Variants in DNAAF9 observed in about 807,000 individuals in gnomAD.
DNAAF9 encodes dynein axonemal assembly factor 9.
DNAAF9 carries 90 observed loss-of-function variants against 167.0 expected under a neutral mutation model. The observed-to-expected ratio is 0.54, with a 90% CI of 0.45 to 0.64. The LOEUF (loss-of-function observed/expected upper bound fraction) is 0.64. Among genes scored for constraint, DNAAF9 ranks in the 30% least tolerant of loss-of-function variants. The probability of loss-of-function intolerance (pLI) is 0.00; values close to 1 mark genes in which losing one functional copy is unlikely to be tolerated. For missense variants in DNAAF9, 1,315 were observed against 1,442.2 expected (o/e 0.91, Z 1.43); for synonymous variants, 491 against 508.8 (o/e 0.96, Z 0.47).
chr20:3,330,722 G>A (rs781082936), intron 11 of DNAAF9, 40 bp from the exon 12 acceptor site: 5 of 1,348,544 alleles, frequency 3.7e-6, no homozygotes, highest in South Asian at 1.2e-5. Context: ...AAGAGCACAG[G>A]ATATGCAAAC....
chr20:3,252,470 C>T lies in DNAAF9; in HGVS notation c.*102G>A. Reference sequence around the variant, plus strand: ...CCACACAGGCCAAGGAGAACAAAGACAGCCCCTTAAGGGAGAGGCCTCCAG... The same window carrying T: ...CCACACAGGCCAAGGAGAACAAAGATAGCCCCTTAAGGGAGAGGCCTCCAG... On this transcript the variant is annotated 3_prime_UTR_variant, in exon 37 of 37. Coordinates refer to ENST00000252032, the MANE Select transcript of DNAAF9 (RefSeq NM_001009984.3). 4 of 719,624 alleles carry T rather than the reference C, an allele frequency of 5.6e-6. No individual in the cohort carries two copies. Among genetic ancestry groups the T allele is most frequent in the African/African-American group, 3.5e-5 (2 of 57,196 alleles). The allele number at this position is 719,624 out of a possible 1,614,324, so 44.6% of individuals were successfully genotyped here.
At chr20:3,264,758 C>T (rs981497849) in intron 30 of DNAAF9, among the ~76,000 whole-genome samples, 5 of 152,102 alleles carry the variant, frequency 3.3e-5, no homozygotes, top group South Asian at 2.1e-4. Flanking sequence ...TCAGTAGGGA[C>T]GGGGTTTCAC....
At chr20:3,287,585 G>A (rs1868293220) in intron 27 of DNAAF9, 47 bp downstream of exon 27, 3 of 1,579,172 alleles carry the variant, frequency 1.9e-6, no homozygotes, top group South Asian at 2.2e-5. Context: ...GTAATGGCAA[G>A]GTCATCACCC....
intron 14 of DNAAF9, among the ~76,000 whole-genome samples, chr20:3,324,117 G>C (rs2069668854): frequency 6.6e-6 from 1 of 152,176 alleles, no homozygotes; most frequent in African/African-American, 2.4e-5. Context: ...CAGAGTTCTG[G>C]CTCTTTCTTC....
chr20:3,388,049 C>T (rs1600908492), intron 1 of DNAAF9, among the ~76,000 whole-genome samples: 1 of 139,200 alleles, frequency 7.2e-6, no homozygotes, highest in Non-Finnish European at 1.5e-5. Context: ...GTCTGGGCAA[C>T]AGAGCAAGAC....
At chr20:3,253,644 A>G in intron 36 of DNAAF9, 82 bp downstream of exon 36, 2 of 844,464 alleles carry the variant, frequency 2.4e-6, no homozygotes, top group Non-Finnish European at 4.1e-6. Flanking sequence ...GCTCTGGCAG[A>G]CAACCGCTTT....
intron 29 of DNAAF9, among the ~76,000 whole-genome samples, chr20:3,277,340 C>T (rs2068691148): frequency 6.6e-6 from 1 of 152,206 alleles, no homozygotes; most frequent in Non-Finnish European, 1.5e-5. Context: ...CAACACTCTT[C>T]CCTGCTTCTC....
At chr20:3,311,244 C>G (rs993684677) in intron 20 of DNAAF9, among the ~76,000 whole-genome samples, 1 of 152,042 alleles carries the variant, frequency 6.6e-6, no homozygotes, top group Admixed American at 6.6e-5. Context: ...GGGCTCAAGC[C>G]ACCCTCCAGT....
chr20:3,289,835 T>C (rs79481511), intron 26 of DNAAF9, among the ~76,000 whole-genome samples: 6,719 of 152,238 alleles, frequency 0.044, 223 homozygotes, highest in African/African-American at 0.094. Flanking sequence ...ATTTTCTCCA[T>C]AGAACTTTTC....
In DNAAF9 at chr20:3,251,079, C is replaced by T. The variant is rs953569758; in HGVS notation, c.*1493G>A. ...GGAGCACGTGGGTCTTTTCAGAAGC[C>T]CTTCTTGATGCAAAATTTCTTATCA... On this transcript the variant is annotated 3_prime_UTR_variant, in exon 37 of 37. Coordinates refer to ENST00000252032, the MANE Select transcript of DNAAF9 (RefSeq NM_001009984.3). The T allele has an allele frequency of 1.4e-4, 21 of 151,880 alleles. No individual in the cohort carries two copies. Among genetic ancestry groups the T allele is most frequent in the African/African-American group, 4.8e-4 (20 of 41,336 alleles). The allele number at this position is 151,880 out of a possible 1,614,324, so 9.4% of individuals were successfully genotyped here. A position where few individuals can be genotyped will look rare whatever the true frequency, so the allele number is the denominator to read the frequency against.
rs1420400410 is a variant in DNAAF9, at chr20:3,315,836, C to T, written c.1540-51G>A. ...TCAGTCAACTACTTCAAGGGAAAAC[C>T]CTGCTAGGTCTCCCCACTGTGTTCA... On this transcript the variant is annotated intron_variant, in intron 18 of 36. Coordinates refer to ENST00000252032, the MANE Select transcript of DNAAF9 (RefSeq NM_001009984.3). This position sits in a 1 kb window ranked among gnomAD's most constrained non-coding sequence, Gnocchi z 4.1. The T allele has an allele frequency of 2.3e-6, 3 of 1,306,278 alleles. No homozygotes were observed. Among genetic ancestry groups the T allele is most frequent in the Admixed American group, 3.4e-5 (2 of 59,662 alleles). 80.9% of individuals were successfully genotyped at this position (1,306,278 alleles called of 1,614,324 possible). A position where few individuals can be genotyped will look rare whatever the true frequency, so the allele number is the denominator to read the frequency against.
rs1555787951 is a variant in DNAAF9, at chr20:3,290,227, G to A, written c.2239-10C>T. ...CAATGCTGATAATTACCTACATGAA[G>A]AAAAAGTCATGGGTTTGCAATTCAA... is the stretch of plus-strand genomic sequence containing the variant. On this transcript the variant is annotated splice_polypyrimidine_tract_variant and intron_variant, in intron 25 of 36. Coordinates refer to ENST00000252032, the MANE Select transcript of DNAAF9 (RefSeq NM_001009984.3). The A allele has an allele frequency of 6.4e-7, 1 of 1,573,500 alleles. No individual in the cohort carries two copies. Among genetic ancestry groups the A allele is most frequent in the South Asian group, 1.1e-5 (1 of 90,290 alleles).
chr20:3,387,884 TAAAAAAAAAAAAAAAAAAAAAAAAAAA>T (rs557861791), intron 1 of DNAAF9, among the ~76,000 whole-genome samples: 1 of 87,368 alleles, frequency 1.1e-5, no homozygotes, highest in African/African-American at 4.8e-5. Flanking sequence ...CTACAAAAAG[TAAAAAAAAAAAAAAAAAAAAAAAAAAA>T]AAAAATTAGC....
At chr20:3,255,819 G>C (rs1229818178) in intron 34 of DNAAF9, among the ~76,000 whole-genome samples, 187 bp downstream of exon 34, 1 of 152,236 alleles carries the variant, frequency 6.6e-6, no homozygotes, top group Non-Finnish European at 1.5e-5. Flanking sequence ...TAGCAGGCCT[G>C]CCTGGAGTTT....
Position 3,299,581 on chromosome 20 carries a change from C to T in DNAAF9, c.1783-1406G>A, listed in dbSNP as rs141565991. ...CCCTCCTTGGCCTCCCAAAGTGCTG[C>T]GATTACAGGCGTGAGCCACCGCACC... On this transcript the variant is annotated intron_variant, in intron 21 of 36. Coordinates refer to ENST00000252032, the MANE Select transcript of DNAAF9 (RefSeq NM_001009984.3). 1.6e-3 allele frequency among the ~76,000 whole-genome samples: 250 copies of T among 152,222 alleles called. 2 individuals are homozygous for T. The highest frequency in any genetic ancestry group is 5.8e-3 in the African/African-American group (240 of 41,546).
chr20:3,385,043 A>G (rs986717023), intron 1 of DNAAF9, among the ~76,000 whole-genome samples: 1 of 152,140 alleles, frequency 6.6e-6, no homozygotes, highest in Non-Finnish European at 1.5e-5. Flanking sequence ...AGCCACTCAG[A>G]AAACTAGAAA....
chr20:3,388,967 T>G (rs1455036998), intron 1 of DNAAF9, among the ~76,000 whole-genome samples: 1 of 152,148 alleles, frequency 6.6e-6, no homozygotes, highest in Non-Finnish European at 1.5e-5. Context: ...GTATTTTTCT[T>G]GTTTTGTTTT....
At chr20:3,377,152 T>TTA (rs1241528582) in intron 3 of DNAAF9, among the ~76,000 whole-genome samples, 2 of 152,200 alleles carry the variant, frequency 1.3e-5, no homozygotes, top group Non-Finnish European at 1.5e-5. Context: ...ACCAAGGTTC[T>TTA]TATTATGCAA....
At chr20:3,312,949 G>T (rs537861246) in intron 20 of DNAAF9, among the ~76,000 whole-genome samples, 2 of 152,172 alleles carry the variant, frequency 1.3e-5, no homozygotes, top group African/African-American at 4.8e-5. Context: ...TGACTAATAA[G>T]CCTCCAGAAA....
Sources: gnomAD v4.1 joint callset for allele counts (sites outside exome capture counted in the v4.1 genomes callset) on GRCh38, gnomAD v4.1.1 for gene constraint, Gnocchi (gnomAD v3.1) non-coding constraint, MANE v1.5 for transcripts, NCBI Gene and HGNC (gene_info 2026-07-23, HGNC 2026-07-21) for gene names.